SNX13: variants seen among roughly 807,000 people sequenced by gnomAD.
SNX13 encodes sorting nexin-13.
SNX13 carries 45 observed loss-of-function variants against 133.6 expected under a neutral mutation model. The observed-to-expected ratio is 0.34, with a 90% confidence interval of 0.27 to 0.43. The LOEUF (loss-of-function observed/expected upper bound fraction) is 0.43. Among genes scored for constraint, SNX13 ranks in the 20% least tolerant of loss-of-function variants. SNX13 has a pLI of 1.00. For synonymous variants in SNX13, 414 were observed against 373.9 expected, an observed-to-expected ratio of 1.11 and a Z score of -1.24; for missense variants, 1,032 against 1,145.1, an observed-to-expected ratio of 0.90 and a Z score of 1.43.
chr7:17,936,422 TAATA>T (rs535757914), intron 1 of SNX13, among the ~76,000 whole-genome samples: 51 of 152,326 alleles, frequency 3.3e-4, no homozygotes, highest in African/African-American at 1.1e-3. Flanking sequence ...TATTTTTATT[TAATA>T]GTCACTTAAT....
At chr7:17,812,944 A>G (rs1259733225) in intron 20 of SNX13, among the ~76,000 whole-genome samples, 4 of 152,130 alleles carry the variant, frequency 2.6e-5, no homozygotes, top group African/African-American at 4.8e-5. Context: ...AGGGAGGGAA[A>G]CATCATACAC....
In SNX13 at chr7:17,839,149, A is replaced by G. The variant is rs113793512; in HGVS notation, c.1359+658T>C. 1.6e-4 allele frequency among the ~76,000 whole-genome samples: 24 copies of G among 149,490 alleles called. 1 individual carries two copies. Among genetic ancestry groups the G allele is most frequent in the African/African-American group, 5.8e-4 (24 of 41,056 alleles). ...CTATAATAAAATAATCTATACAATC[A>G]TATTACATAAAATATATTCTATAGA... is the stretch of plus-strand genomic sequence containing the variant. On this transcript the variant is annotated intron_variant, in intron 13 of 25. Coordinates refer to ENST00000428135, the MANE Select transcript of SNX13 (RefSeq NM_015132.5).
intron 1 of SNX13, chr7:17,898,361 T>C (rs1797447690): frequency 6.6e-6 from 1 of 152,252 alleles, no homozygotes; most frequent in East Asian, 1.9e-4. Flanking sequence ...CATTATAAGA[T>C]GCTAAACTGA....
intron 11 of SNX13, among the ~76,000 whole-genome samples, chr7:17,847,488 C>T (rs906525743): frequency 2.0e-5 from 3 of 152,070 alleles, no homozygotes; most frequent in South Asian, 2.1e-4. Context: ...TATGCCACCA[C>T]GGTTTTTAAA....
chr7:17,912,677 G>C (rs1799115024), intron 1 of SNX13, among the ~76,000 whole-genome samples: 1 of 152,146 alleles, frequency 6.6e-6, no homozygotes. Flanking sequence ...CTCTCAAAGT[G>C]CTGGGATTAC....
intron 9 of SNX13, among the ~76,000 whole-genome samples, chr7:17,867,136 T>A (rs199746279): frequency 3.9e-5 from 6 of 152,190 alleles, no homozygotes; most frequent in African/African-American, 1.4e-4. Flanking sequence ...TGTGCAGATA[T>A]GTGTATTTTC....
chr7:17,859,598 T>C (rs142707326), intron 9 of SNX13, among the ~76,000 whole-genome samples: 5 of 152,266 alleles, frequency 3.3e-5, no homozygotes, highest in Non-Finnish European at 7.4e-5. Context: ...TATAAACTAT[T>C]AGAACATTGT....
At chr7:17,913,196 C>A (rs1426669942) in intron 1 of SNX13, among the ~76,000 whole-genome samples, 1 of 152,158 alleles carries the variant, frequency 6.6e-6, no homozygotes, top group Admixed American at 6.5e-5. Flanking sequence ...AAAGGAAACA[C>A]AAGTGTGGTG....
intron 1 of SNX13, among the ~76,000 whole-genome samples, chr7:17,905,202 A>C (rs1418637409): frequency 6.6e-6 from 1 of 152,210 alleles, no homozygotes; most frequent in Non-Finnish European, 1.5e-5. Flanking sequence ...AATGAGCCTT[A>C]GTATTCTATT....
In SNX13 at chr7:17,798,615, C is replaced by T. The variant is rs1382233526; in HGVS notation, c.2513+75G>A. The T allele has an allele frequency of 4.5e-6, 5 of 1,118,878 alleles. No individual in the cohort carries two copies. The African/African-American group carries it at 8.1e-5, about 18-fold the overall frequency. The allele number at this position is 1,118,878 out of a possible 1,614,324, so 69.3% of individuals were successfully genotyped here. ...TTTATGTCCAGGAAGGAAACAAAAGCAATGAAAGTTAATTAGTGATAACAA... is the reference window on the plus strand; with the variant it reads ...TTTATGTCCAGGAAGGAAACAAAAGTAATGAAAGTTAATTAGTGATAACAA... On this transcript the variant is annotated intron_variant, in intron 24 of 25. Coordinates refer to ENST00000428135, the MANE Select transcript of SNX13 (RefSeq NM_015132.5).
intron 20 of SNX13, among the ~76,000 whole-genome samples, chr7:17,807,956 G>A (rs1374538262): frequency 2.0e-5 from 3 of 152,178 alleles, no homozygotes; most frequent in Non-Finnish European, 2.9e-5. Flanking sequence ...CTGAAGGTCA[G>A]CAACATCAAA....
intron 5 of SNX13, among the ~76,000 whole-genome samples, chr7:17,877,010 T>C (rs963402630): frequency 8.7e-6 from 1 of 115,180 alleles, no homozygotes; most frequent in Non-Finnish European, 1.7e-5. Flanking sequence ...ATAAAAAGGC[T>C]AGTGAAGATG....
chr7:17,852,784 TA>T (rs942631932), intron 9 of SNX13, among the ~76,000 whole-genome samples: 5 of 152,120 alleles, frequency 3.3e-5, no homozygotes, highest in African/African-American at 9.7e-5. Context: ...GCCAAAGCAA[TA>T]AAATGAAATT....
Position 17,805,211 on chromosome 7 carries a change from TTGTGTGTG to T in SNX13, c.2065-1639_2065-1632del, listed in dbSNP as rs55946438. On this transcript the variant is annotated intron_variant, in intron 20 of 25. Coordinates refer to ENST00000428135, the MANE Select transcript of SNX13 (RefSeq NM_015132.5). ...AGTCTCACGTTTGGCTAATGATTCT[TTGTGTGTG>T]TGTGTGTGTGTGTGTGTGTGTGTGT... Among the ~76,000 whole-genome samples the T allele has an allele frequency of 1.2e-3, 147 of 118,498 alleles. 1 individual carries two copies. The highest frequency in any genetic ancestry group is 7.7e-3 in the Middle Eastern group (2 of 260). 77.7% of individuals were successfully genotyped at this position (118,498 alleles called of 152,430 possible).
At position 17,830,176 on chromosome 7, in the gene SNX13, A is replaced by AAAC. The variant is rs1341560651; in HGVS notation, c.1598-130_1598-129insGTT. On this transcript the variant is annotated intron_variant, in intron 15 of 25. Transcript: ENST00000428135. ...AACATAATAGTAAAAAAAAAAAAAA[A>AAAC]AAAAAAAATTGTGGATACTCCCAAA... 3 of 1,161,634 alleles carry AAAC rather than the reference A, an allele frequency of 2.6e-6. No individual in the cohort carries two copies. The African/African-American group carries it at 4.8e-5, about 19-fold the overall frequency. The allele number at this position is 1,161,634 out of a possible 1,614,324, so 72.0% of individuals were successfully genotyped here.
At position 17,830,058 on chromosome 7, in the gene SNX13, G is replaced by A. The variant is rs1173137616; in HGVS notation, c.1598-11C>T. ...ACCCATTAAAAGATTCTGCAGGGGG[G>A]AAATTCAACTTAGTATACAGCAAAA... On this transcript the variant is annotated splice_polypyrimidine_tract_variant and intron_variant, in intron 15 of 25. Coordinates refer to ENST00000428135, the MANE Select transcript of SNX13 (RefSeq NM_015132.5). 12 of 1,520,806 alleles carry A rather than the reference G, an allele frequency of 7.9e-6. No individual in the cohort carries two copies. The highest frequency in any genetic ancestry group is 1.8e-4 in the Middle Eastern group (1 of 5,654). The allele number at this position is 1,520,806 out of a possible 1,614,324, so 94.2% of individuals were successfully genotyped here.
Position 17,802,942 on chromosome 7 carries a change from T to C in SNX13, c.2226+477A>G, listed in dbSNP as rs540046564. On this transcript the variant is annotated intron_variant, in intron 21 of 25. Coordinates refer to ENST00000428135, the MANE Select transcript of SNX13 (RefSeq NM_015132.5). ...ATGACACGCAGAGGTCTATACCCAG[T>C]AACGTATGAGCCCAGAGATTGATGG... 9.2e-5 allele frequency among the ~76,000 whole-genome samples: 14 copies of C among 152,236 alleles called. No individual in the cohort carries two copies. The South Asian group carries it at 2.7e-3, about 29-fold the overall frequency.
intron 5 of SNX13, chr7:17,888,011 A>G (rs1002710149): frequency 6.6e-6 from 1 of 152,228 alleles, no homozygotes; most frequent in Non-Finnish European, 1.5e-5. Flanking sequence ...TCTGAAGTAT[A>G]TGAATGATTG....
At chr7:17,899,327 T>G (rs749007777) in intron 1 of SNX13, 3 of 152,184 alleles carry the variant, frequency 2.0e-5, no homozygotes, top group Non-Finnish European at 4.4e-5. Flanking sequence ...TATAACCTTC[T>G]TGTATTTTAA....
Sources: allele counts gnomAD v4.1 joint callset (sites outside exome capture counted in the v4.1 genomes callset), GRCh38; gene constraint gnomAD v4.1.1; transcripts MANE v1.5; gene names NCBI Gene and HGNC (gene_info 2026-07-23, HGNC 2026-07-21).